HEXB: variants seen among roughly 807,000 people sequenced by gnomAD.
The protein encoded by HEXB is hexosaminidase subunit beta.
In HEXB, 51 loss-of-function variants were observed where a neutral mutation model predicts 71.2. The ratio of observed to expected loss-of-function variants is 0.72; its 90% CI spans 0.57 to 0.90. The LOEUF (loss-of-function observed/expected upper bound fraction) is 0.90. Ranked by LOEUF, HEXB falls within the 40% of genes least tolerant of loss-of-function variation. HEXB has a pLI of 0.00. For synonymous variants in HEXB, 266 were observed against 249.3 expected, an observed-to-expected ratio of 1.07 and a Z score of -0.63; for missense variants, 617 against 677.0, an observed-to-expected ratio of 0.91 and a Z score of 0.98.
chr5:74,653,203 A>C (rs1580359790), intron 1 of HEXB, among the ~76,000 whole-genome samples: 1 of 152,218 alleles, frequency 6.6e-6, no homozygotes, highest in Non-Finnish European at 1.5e-5. Flanking sequence ...TTGGCCCTTC[A>C]AGTACCATGA....
intron 2 of HEXB, 167 bp from the exon 3 acceptor site, chr5:74,693,472 C>A (rs820877): frequency 1.5e-6 from 1 of 680,264 alleles, no homozygotes. Flanking sequence ...GTCGAAGGAA[C>A]CTGCAGGACA....
intron 6 of HEXB, among the ~76,000 whole-genome samples, chr5:74,712,460 T>TA (rs1306069214): frequency 1.3e-5 from 2 of 152,262 alleles, no homozygotes; most frequent in Admixed American, 6.5e-5. Flanking sequence ...GCTTTAAATT[T>TA]TAAAAAAAAA....
intron 1 of HEXB, among the ~76,000 whole-genome samples, chr5:74,688,344 T>TC (rs1748919476): frequency 6.6e-6 from 1 of 151,408 alleles, no homozygotes; most frequent in Non-Finnish European, 1.5e-5. Flanking sequence ...TACTTTTTTT[T>TC]TTTTTGAGAT....
At position 74,713,721 on chromosome 5, in the gene HEXB, T is replaced by C. The variant is rs562253250; in HGVS notation, c.901+86T>C. ...TTCTGTCACCCAGGCTGGAGTGCAGTAGTACAATCTCGGCTCACTGCAACC... is the reference window on the plus strand; with the variant it reads ...TTCTGTCACCCAGGCTGGAGTGCAGCAGTACAATCTCGGCTCACTGCAACC... On this transcript the variant is annotated intron_variant, in intron 7 of 13. Coordinates refer to ENST00000261416, the MANE Select transcript of HEXB (RefSeq NM_000521.4). 9 of 1,123,050 alleles carry C rather than the reference T, an allele frequency of 8.0e-6. No homozygotes were observed. The Admixed American group carries it at 1.6e-4, about 20-fold the overall frequency. The allele number at this position is 1,123,050 out of a possible 1,614,324, so 69.6% of individuals were successfully genotyped here.
intron 7 of HEXB, among the ~76,000 whole-genome samples, chr5:74,714,143 T>C (rs1749620047): frequency 6.6e-6 from 1 of 152,230 alleles, no homozygotes; most frequent in Admixed American, 6.5e-5. Context: ...CCAGGAGTTG[T>C]ATTTTATAAG....
chr5:74,674,430 C>T lies in HEXB; in HGVS notation c.-376-14898C>T, dbSNP rs565404530. ...CATCCTGGCTAACATGGTGAAACCC[C>T]GTCTCTACTAAAAATACGAAAAAAT... On this transcript the variant is annotated intron_variant, in intron 1 of 13. Transcript: ENST00000511181. Among the ~76,000 whole-genome samples, 170 of 151,964 alleles carry T rather than the reference C, an allele frequency of 1.1e-3. 1 individual carries two copies. Among genetic ancestry groups the T allele is most frequent in the South Asian group, 9.0e-3 (43 of 4,792 alleles).
Position 74,641,966 on chromosome 5 carries a change from T to A in HEXB, c.-377+1408T>A, listed in dbSNP as rs1408319894. On this transcript the variant is annotated intron_variant, in intron 1 of 13. Coordinates refer to the HEXB transcript ENST00000511181. The surrounding 1 kb of genome is among the most constrained non-coding windows in gnomAD (Gnocchi z 4.1). ...AGTGAGGGCCCCACGACAGAGTTTATTCCGTCCCCGGGTCCCCGCGTCCCC... is the reference window on the plus strand; with the variant it reads ...AGTGAGGGCCCCACGACAGAGTTTAATCCGTCCCCGGGTCCCCGCGTCCCC... 6.6e-6 allele frequency among the ~76,000 whole-genome samples: 1 copy of A among 152,150 alleles called. No individual in the cohort carries two copies. Among genetic ancestry groups the A allele is most frequent in the Admixed American group, 6.5e-5 (1 of 15,278 alleles).
At chr5:74,689,604 T>C (rs1436316657) in intron 2 of HEXB, 131 bp downstream of exon 2, 1 of 814,434 alleles carries the variant, frequency 1.2e-6, no homozygotes, top group Admixed American at 1.8e-5. Context: ...ATTTTAAAAA[T>C]AACCTTTAAA....
At chr5:74,691,037 T>C (rs969017781) in intron 2 of HEXB, among the ~76,000 whole-genome samples, 1 of 152,216 alleles carries the variant, frequency 6.6e-6, no homozygotes, top group African/African-American at 2.4e-5. Context: ...TTCCACAAAA[T>C]GAAATGTATC....
rs768901546 is a variant in HEXB at position 74,664,430 on chromosome 5, T to TTAAAAAAAAAAAAAAA, written c.-377+23872_-377+23873insTAAAAAAAAAAAAAAA. 1.5e-4 allele frequency among the ~76,000 whole-genome samples: 12 copies of TTAAAAAAAAAAAAAAA among 79,662 alleles called. 1 individual carries two copies. The highest frequency in any genetic ancestry group is 1.3e-3 in the East Asian group (3 of 2,382). 52.3% of individuals were successfully genotyped at this position (79,662 alleles called of 152,430 possible). On this transcript the variant is annotated intron_variant, in intron 1 of 13. Coordinates refer to the HEXB transcript ENST00000511181. ...GGGCAATAGAGCAAGATTCTATCTC[T>TTAAAAAAAAAAAAAAA]AAAAAAAAAAAAAAAAAAAAAAACA...
intron 1 of HEXB, among the ~76,000 whole-genome samples, chr5:74,651,597 A>G (rs1051653111): frequency 1.3e-5 from 2 of 152,310 alleles, no homozygotes; most frequent in East Asian, 1.9e-4. Flanking sequence ...ATAGGACCAC[A>G]TTCAGGGACA....
At chr5:74,668,835 A>G (rs820848) in intron 1 of HEXB, among the ~76,000 whole-genome samples, 39,738 of 152,202 alleles carry the variant, frequency 0.26, 5,369 homozygotes, top group Non-Finnish European at 0.3. Context: ...CACATATTCA[A>G]GTGCAGAAAC....
intron 1 of HEXB, among the ~76,000 whole-genome samples, chr5:74,650,950 A>T (rs1201005896): frequency 2.7e-5 from 4 of 150,010 alleles, no homozygotes; most frequent in Admixed American, 6.6e-5. Context: ...AAAAAAAGGC[A>T]ACTGCAAAAA....
intron 6 of HEXB, among the ~76,000 whole-genome samples, chr5:74,709,848 T>A (rs1008086625): frequency 1.3e-3 from 203 of 152,322 alleles, no homozygotes; most frequent in Non-Finnish European, 2.5e-3. Context: ...AGCCGAATTC[T>A]ACCAGAGGTA....
At chr5:74,712,286 T>TC (rs1554036442) in intron 6 of HEXB, among the ~76,000 whole-genome samples, 5 of 53,690 alleles carry the variant, frequency 9.3e-5, no homozygotes, top group African/African-American at 2.6e-4. Context: ...TGTTGTGGGG[T>TC]GGGGGAGGGG....
At chr5:74,692,525 T>C (rs1328505303) in intron 2 of HEXB, among the ~76,000 whole-genome samples, 1 of 152,140 alleles carries the variant, frequency 6.6e-6, no homozygotes, top group African/African-American at 2.4e-5. Context: ...GGAAACATAA[T>C]TAGACTATGC....
intron 1 of HEXB, among the ~76,000 whole-genome samples, chr5:74,677,490 C>CTTTTTTTTTTTTTTTTTTTT (rs566302720): frequency 1.9e-4 from 15 of 77,278 alleles, no homozygotes; most frequent in South Asian, 4.1e-4. Context: ...TCTTCTTCTT[C>CTTTTTTTTTTTTTTTTTTTT]TTTTTTTTTT....
intron 1 of HEXB, among the ~76,000 whole-genome samples, chr5:74,642,188 A>G (rs1747909578): frequency 1.3e-5 from 2 of 152,336 alleles, no homozygotes; most frequent in South Asian, 2.1e-4. Flanking sequence ...CGCTCCTTGC[A>G]AACAAAGAAA....
At chr5:74,654,975 A>G (rs1175496033) in intron 1 of HEXB, among the ~76,000 whole-genome samples, 1 of 152,164 alleles carries the variant, frequency 6.6e-6, no homozygotes, top group Non-Finnish European at 1.5e-5. Flanking sequence ...TGAAATGTCC[A>G]GGGACCTGAA....
Sources: allele counts gnomAD v4.1 joint callset (sites outside exome capture counted in the v4.1 genomes callset), GRCh38; gene constraint gnomAD v4.1.1; non-coding constraint Gnocchi (gnomAD v3.1); transcripts MANE v1.5; gene names NCBI Gene and HGNC (gene_info 2026-07-23, HGNC 2026-07-21).